MAP3K10: variants seen among roughly 807,000 people sequenced by gnomAD.
The protein encoded by MAP3K10 is mitogen-activated protein kinase kinase kinase 10.
MAP3K10 carries 22 observed loss-of-function variants against 75.0 expected under a neutral mutation model. The observed-to-expected ratio is 0.29, with a 90% CI of 0.21 to 0.42. The LOEUF (loss-of-function observed/expected upper bound fraction) is 0.42. MAP3K10 is among the 10% of genes least tolerant of loss of function. The pLI is 1.00. For missense variants in MAP3K10, 1,165 were observed against 1,379.8 expected (o/e 0.84, Z 2.47); for synonymous variants, 599 against 612.9 (o/e 0.98, Z 0.34).
chr19:40,204,736 G>C lies in MAP3K10; in HGVS notation c.1012+103G>C. 4.4e-6 allele frequency: 6 copies of C among 1,375,004 alleles called. No homozygotes were observed. The highest frequency in any genetic ancestry group is 5.9e-6 in the Non-Finnish European group (6 of 1,023,970). 85.2% of individuals were successfully genotyped at this position (1,375,004 alleles called of 1,614,324 possible). On this transcript the variant is annotated intron_variant, in intron 3 of 9. Coordinates refer to ENST00000253055, the MANE Select transcript of MAP3K10 (RefSeq NM_002446.4). This position sits in a 1 kb window ranked among gnomAD's most constrained non-coding sequence, Gnocchi z 4.3. ...CACCTATCCATACCAGTGGGCCCAGGAGTGAGGAAGAAGGGGCTGGAACCC... is the reference window on the plus strand; with the variant it reads ...CACCTATCCATACCAGTGGGCCCAGCAGTGAGGAAGAAGGGGCTGGAACCC...
intron 5 of MAP3K10, 88 bp downstream of exon 5, chr19:40,206,245 C>A: frequency 6.8e-7 from 1 of 1,463,688 alleles, no homozygotes; most frequent in Non-Finnish European, 9.2e-7. Context: ...TCTTTTTCAA[C>A]TTGTTTTTAT....
chr19:40,208,072 G>A (rs1973155979), intron 5 of MAP3K10, among the ~76,000 whole-genome samples: 1 of 152,012 alleles, frequency 6.6e-6, no homozygotes, highest in African/African-American at 2.4e-5. Flanking sequence ...AAAAGTTAGA[G>A]TTGAAAAAGT....
In MAP3K10 at chr19:40,215,400, CTATT is replaced by C. The variant is rs2145104544; in HGVS notation, c.*113_*116del. ...GGAGGCCCTGGGCAGGATGTTCACT[CTATT>C]TATTGGGGAAGGAGGGAGGGGGGGG... On this transcript the variant is annotated 3_prime_UTR_variant, in exon 10 of 10. Coordinates refer to ENST00000253055, the MANE Select transcript of MAP3K10 (RefSeq NM_002446.4). The C allele has an allele frequency of 9.9e-7, 1 of 1,010,736 alleles. No homozygotes were observed. The highest frequency in any genetic ancestry group is 1.6e-5 in the South Asian group (1 of 60,898). 62.6% of individuals were successfully genotyped at this position (1,010,736 alleles called of 1,614,324 possible).
At chr19:40,208,826 G>C (rs1973182878) in intron 5 of MAP3K10, among the ~76,000 whole-genome samples, 1 of 152,014 alleles carries the variant, frequency 6.6e-6, no homozygotes, top group Non-Finnish European at 1.5e-5. Flanking sequence ...TGATCCACAA[G>C]AGCTCTTGTG....
chr19:40,212,808 C>G lies in MAP3K10; in HGVS notation c.1556C>G (p.Thr519Ser). 1 of 1,587,688 alleles carries G rather than the reference C, an allele frequency of 6.3e-7. No individual in the cohort carries two copies. Among genetic ancestry groups the G allele is most frequent in the Non-Finnish European group, 8.6e-7 (1 of 1,168,326 alleles). ...IIPRLRAIRL[T>S]PVDCGGSSSG... is the part of the protein sequence containing the mutation. The stretch of plus-strand genomic sequence containing the variant: ...CAAGTGGCTTCTCTGGACCCAGTGA[C>G]TCCCGTGGACTGTGGTGGCAGCAGC... The change falls in exon 7 of 10, where the codon ACT (threonine) becomes AGT (serine). Residue 519 changes from threonine to serine, a missense_variant. By Grantham distance (58) the Thr-to-Ser change is moderately conservative (BLOSUM62 1). Around this residue, in one of 2 missense-constraint regions of MAP3K10, gnomAD observed 575 missense variants for 793.2 expected, o/e 0.72. Coordinates refer to ENST00000253055, the MANE Select transcript of MAP3K10 (RefSeq NM_002446.4). This position sits in a 1 kb window ranked among gnomAD's most constrained non-coding sequence, Gnocchi z 4.2.
intron 5 of MAP3K10, 114 bp from the exon 6 acceptor site, chr19:40,208,989 T>C: frequency 2.6e-6 from 2 of 756,276 alleles, no homozygotes; most frequent in Non-Finnish European, 2.3e-6. Flanking sequence ...CATTAAGGAA[T>C]GAAAAATGGC....
intron 2 of MAP3K10, among the ~76,000 whole-genome samples, chr19:40,202,919 G>A (rs898548374): frequency 6.6e-6 from 1 of 152,220 alleles, no homozygotes; most frequent in Non-Finnish European, 1.5e-5. Context: ...GCAGCATGTG[G>A]CCAGCTCAAT....
At chr19:40,206,214 C>G (rs1314599037) in intron 5 of MAP3K10, 57 bp downstream of exon 5, 1 of 1,521,498 alleles carries the variant, frequency 6.6e-7, no homozygotes, top group Non-Finnish European at 8.8e-7. Context: ...CAGCCCCGAC[C>G]TAGGATTTAT....
intron 5 of MAP3K10, chr19:40,206,402 CAAAA>C: frequency 3.2e-6 from 1 of 314,422 alleles, no homozygotes; most frequent in Non-Finnish European, 5.6e-6. Context: ...CCATATTTAC[CAAAA>C]AAAAAAAAAA....
rs1339678473 is a variant in MAP3K10, at chr19:40,212,989, G to A, written c.1724+13G>A. Reference sequence around the variant, plus strand: ...GAGGAGAGGAGAGGTGAGGTGTGGTGTGGTCATGCCCACCCTGTGCCCAAG... The same window carrying A: ...GAGGAGAGGAGAGGTGAGGTGTGGTATGGTCATGCCCACCCTGTGCCCAAG... On this transcript the variant is annotated intron_variant, in intron 7 of 9. Transcript: ENST00000253055. The surrounding 1 kb of genome is among the most constrained non-coding windows in gnomAD (Gnocchi z 4.2). 4 of 1,596,034 alleles carry A rather than the reference G, an allele frequency of 2.5e-6. No homozygotes were observed. Among genetic ancestry groups the A allele is most frequent in the Admixed American group, 3.4e-5 (2 of 58,930 alleles).
chr19:40,193,796 A>G (rs992986348), intron 1 of MAP3K10, among the ~76,000 whole-genome samples: 8 of 152,190 alleles, frequency 5.3e-5, no homozygotes, highest in African/African-American at 1.9e-4. Context: ...ATCATGTGCT[A>G]AGCAAAGGCA....
At chr19:40,207,556 A>T (rs1179310494) in intron 5 of MAP3K10, among the ~76,000 whole-genome samples, 1 of 152,048 alleles carries the variant, frequency 6.6e-6, no homozygotes, top group African/African-American at 2.4e-5. Context: ...ACCAACATGG[A>T]GAAACCCCAT....
Position 40,192,003 on chromosome 19 carries a change from G to T in MAP3K10, c.-29G>T. On this transcript the variant is annotated 5_prime_UTR_variant, in exon 1 of 10. Transcript: ENST00000253055. This position sits in a 1 kb window ranked among gnomAD's most constrained non-coding sequence, Gnocchi z 7.1. ...ATCCCGCGGGCAGCCTGTGTGAAGC[G>T]GCCTCCCGCAGCCCCCGGCCCCTCC... The T allele has an allele frequency of 7.3e-7, 1 of 1,373,454 alleles. No individual in the cohort carries two copies. The highest frequency in any genetic ancestry group is 9.5e-7 in the Non-Finnish European group (1 of 1,057,826). The allele number at this position is 1,373,454 out of a possible 1,614,324, so 85.1% of individuals were successfully genotyped here. A position where few individuals can be genotyped will look rare whatever the true frequency, so the allele number is the denominator to read the frequency against.
At chr19:40,199,187 T>G (rs767062727) in intron 2 of MAP3K10, among the ~76,000 whole-genome samples, 1 of 152,174 alleles carries the variant, frequency 6.6e-6, no homozygotes, top group Non-Finnish European at 1.5e-5. Context: ...ATTAATTCAC[T>G]CATTCATTCC....
At chr19:40,197,714 T>G (rs1190363492) in intron 1 of MAP3K10, among the ~76,000 whole-genome samples, 1 of 152,188 alleles carries the variant, frequency 6.6e-6, no homozygotes, top group African/African-American at 2.4e-5. Context: ...CTGACTGCAG[T>G]GTGCCACGGG....
rs61289931 is a variant in MAP3K10, at chr19:40,195,471, C to CTTTTTTTTTTTTTTTTT, written c.682+2779_682+2795dup. 8.2e-5 allele frequency among the ~76,000 whole-genome samples: 4 copies of CTTTTTTTTTTTTTTTTT among 48,656 alleles called. 1 individual carries two copies. The highest frequency in any genetic ancestry group is 1.2e-4 in the African/African-American group (2 of 17,198). 31.9% of individuals were successfully genotyped at this position (48,656 alleles called of 152,430 possible). On this transcript the variant is annotated intron_variant, in intron 1 of 9. Transcript: ENST00000253055. Reference sequence around the variant, plus strand: ...GAGGTAACACTGAAGCCCGCCCGGCCTTTTTTTTTTTTTTTTTTTTTTTTT... The same window carrying CTTTTTTTTTTTTTTTTT: ...GAGGTAACACTGAAGCCCGCCCGGCCTTTTTTTTTTTTTTTTTTTTTTTTTTTTTTTTTTTTTTTTTT...
Position 40,198,075 on chromosome 19 carries a change from C to T in MAP3K10, c.683-300C>T, listed in dbSNP as rs1416646007. 6.6e-6 allele frequency among the ~76,000 whole-genome samples: 1 copy of T among 152,168 alleles called. No homozygotes were observed. On this transcript the variant is annotated intron_variant, in intron 1 of 9. Transcript: ENST00000253055. This position sits in a 1 kb window ranked among gnomAD's most constrained non-coding sequence, Gnocchi z 4.3. Reference sequence around the variant, plus strand: ...CTCGAACTCCTGGGCTCAAGTGACCCGCTTCAGCCTTGGCTGTTGGTTCTT... The same window carrying T: ...CTCGAACTCCTGGGCTCAAGTGACCTGCTTCAGCCTTGGCTGTTGGTTCTT...
chr19:40,214,002 T>TCCCCCCCCCCCCCCCCCCCCCCCCCC lies in MAP3K10; in HGVS notation c.2327_2328insCCCCCCCCCCCCCCCCCCCCCCCCCC (p.Ser779ProfsTer52). 6.0e-6 allele frequency: 9 copies of TCCCCCCCCCCCCCCCCCCCCCCCCCC among 1,493,660 alleles called. No homozygotes were observed. Among genetic ancestry groups the TCCCCCCCCCCCCCCCCCCCCCCCCCC allele is most frequent in the East Asian group, 5.3e-5 (2 of 37,788 alleles). 92.5% of individuals were successfully genotyped at this position (1,493,660 alleles called of 1,614,324 possible). ...TGACGAGGCCGCACCGGCCGCGCCC[T>TCCCCCCCCCCCCCCCCCCCCCCCCCC]CCCCACCACCCTCCCCGCCCGCGCC... On this transcript the variant is annotated frameshift_variant, in exon 9 of 10. Transcript: ENST00000253055. LOFTEE classifies it high-confidence loss of function.
chr19:40,201,928 G>C (rs1048676099), intron 2 of MAP3K10, among the ~76,000 whole-genome samples: 4 of 151,336 alleles, frequency 2.6e-5, no homozygotes, highest in Non-Finnish European at 5.9e-5. Context: ...TTGAAGCCCC[G>C]CGTGTGTCAG....
Sources: allele counts gnomAD v4.1 joint callset (sites outside exome capture counted in the v4.1 genomes callset), GRCh38; gene constraint gnomAD v4.1.1; regional missense constraint gnomAD v4.1.1; non-coding constraint Gnocchi (gnomAD v3.1); transcripts MANE v1.5; gene names NCBI Gene and HGNC (gene_info 2026-07-23, HGNC 2026-07-21).